Variants in CBL observed in about 807,000 individuals in gnomAD.
CBL encodes Cbl proto-oncogene.
In CBL, 45 loss-of-function variants were observed where a neutral mutation model predicts 96.9. The observed-to-expected ratio is 0.46, with a 90% CI of 0.37 to 0.60. The LOEUF is 0.60. Among genes scored for constraint, CBL ranks in the 20% least tolerant of loss-of-function variants. The pLI is 0.00. For missense variants in CBL, 1,024 were observed against 1,143.5 expected, an observed-to-expected ratio of 0.90 and a Z score of 1.51; for synonymous variants, 420 against 426.8, an observed-to-expected ratio of 0.98 and a Z score of 0.20.
At chr11:119,242,741 T>TAAAAAAAAAAAAAAAAAAAA (rs34339877) in intron 2 of CBL, among the ~76,000 whole-genome samples, 1 of 117,946 alleles carries the variant, frequency 8.5e-6, no homozygotes, top group Non-Finnish European at 1.8e-5. Flanking sequence ...CCTGACTCTT[T>TAAAAAAAAAAAAAAAAAAAA]AAAAAAAAAA....
At chr11:119,229,704 A>G (rs1165687066) in intron 1 of CBL, among the ~76,000 whole-genome samples, 4 of 151,816 alleles carry the variant, frequency 2.6e-5, no homozygotes, top group African/African-American at 4.8e-5. Flanking sequence ...TACAATTTTC[A>G]TATTATCATT....
In CBL at chr11:119,306,488, CA is replaced by C. The variant is rs1221973420; in HGVS notation, c.*6709del. 11 of 397,260 alleles carry C rather than the reference CA, an allele frequency of 2.8e-5. No homozygotes were observed. The highest frequency in any genetic ancestry group is 2.3e-4 in the African/African-American group (11 of 48,482). 24.6% of individuals were successfully genotyped at this position (397,260 alleles called of 1,614,324 possible). A position where few individuals can be genotyped will look rare whatever the true frequency, so the allele number is the denominator to read the frequency against. ...AGTATTGCTCAATGCGTGCTATGTG[CA>C]ACTCCTCAGGCCTTGTGCCACCTCC... On this transcript the variant is annotated 3_prime_UTR_variant, in exon 16 of 16. Coordinates refer to ENST00000264033, the MANE Select transcript of CBL (RefSeq NM_005188.4).
At chr11:119,253,027 T>C (rs543004231) in intron 2 of CBL, among the ~76,000 whole-genome samples, 34 of 152,308 alleles carry the variant, frequency 2.2e-4, no homozygotes, top group African/African-American at 7.2e-4. Flanking sequence ...CACTTACGTG[T>C]CAGTAGATAC....
At chr11:119,213,180 C>T (rs1343181919) in intron 1 of CBL, among the ~76,000 whole-genome samples, 3 of 152,052 alleles carry the variant, frequency 2.0e-5, no homozygotes, top group African/African-American at 7.2e-5. Flanking sequence ...CCCTATCCAC[C>T]TTGCCTTCCC....
At chr11:119,293,084 T>C (rs563948122) in intron 12 of CBL, among the ~76,000 whole-genome samples, 2 of 150,900 alleles carry the variant, frequency 1.3e-5, no homozygotes, top group Non-Finnish European at 3.0e-5. Context: ...ATGTGATTTT[T>C]AAAAATGTAT....
chr11:119,286,947 T>G (rs927035097), intron 11 of CBL, among the ~76,000 whole-genome samples: 1 of 152,142 alleles, frequency 6.6e-6, no homozygotes. Context: ...TAGAGAAAGC[T>G]GGCATAGGAG....
At chr11:119,265,084 T>C (rs1354507520) in intron 2 of CBL, among the ~76,000 whole-genome samples, 1 of 152,076 alleles carries the variant, frequency 6.6e-6, no homozygotes, top group Non-Finnish European at 1.5e-5. Flanking sequence ...TCTCACTATA[T>C]TGCCCAGGCT....
chr11:119,277,239 G>GCACACACACACACACA (rs112214824), intron 6 of CBL, among the ~76,000 whole-genome samples: 3,356 of 138,218 alleles, frequency 0.024, 71 homozygotes, highest in African/African-American at 0.04. Context: ...AGAATCTGTC[G>GCACACACACACACACA]CGCACACACA....
intron 2 of CBL, among the ~76,000 whole-genome samples, chr11:119,262,015 T>C (rs1949758501): frequency 6.6e-6 from 1 of 152,236 alleles, no homozygotes; most frequent in African/African-American, 2.4e-5. Context: ...GTAAATATTT[T>C]TCACTAATAG....
Position 119,301,739 on chromosome 11 carries a change from C to T in CBL, c.*1958C>T, listed in dbSNP as rs1565273634. The T allele has an allele frequency of 1.7e-5, 4 of 233,128 alleles. No individual in the cohort carries two copies. Among genetic ancestry groups the T allele is most frequent in the East Asian group, 6.0e-5 (1 of 16,604 alleles). The allele number at this position is 233,128 out of a possible 1,614,324, so 14.4% of individuals were successfully genotyped here. On this transcript the variant is annotated 3_prime_UTR_variant, in exon 16 of 16. Coordinates refer to ENST00000264033, the MANE Select transcript of CBL (RefSeq NM_005188.4). ...CGGCAAAGCCCACCATTAGGTGAGG[C>T]GGTCCCGAGTTGAGGTAGAGTGGGG...
chr11:119,215,684 G>A (rs1421900251), intron 1 of CBL, among the ~76,000 whole-genome samples: 1 of 151,590 alleles, frequency 6.6e-6, no homozygotes, highest in Non-Finnish European at 1.5e-5. Flanking sequence ...AAAAAAAGCC[G>A]AGGGTTGTGG....
chr11:119,260,868 G>T (rs1455123209), intron 2 of CBL, among the ~76,000 whole-genome samples: 1 of 147,704 alleles, frequency 6.8e-6, no homozygotes, highest in Non-Finnish European at 1.5e-5. Flanking sequence ...TCACTCCCCA[G>T]TCCCAGATCC....
At chr11:119,222,707 A>G (rs1183788775) in intron 1 of CBL, among the ~76,000 whole-genome samples, 1 of 150,766 alleles carries the variant, frequency 6.6e-6, no homozygotes, top group African/African-American at 2.5e-5. Flanking sequence ...AAGGTTAACT[A>G]TGACTGCCAG....
chr11:119,258,871 A>G (rs1268184449), intron 2 of CBL, among the ~76,000 whole-genome samples: 1 of 152,108 alleles, frequency 6.6e-6, no homozygotes, highest in Non-Finnish European at 1.5e-5. Flanking sequence ...TTTGGGCAGT[A>G]TGGTCATTTT....
Position 119,299,799 on chromosome 11 carries a change from G to T in CBL, c.*18G>T, listed in dbSNP as rs1388362601. The stretch of plus-strand genomic sequence containing the variant: ...CTACCTAGCACACCATCTCCCTGCT[G>T]CAGGTTTAGAGGACCAGTGAGTTGG... On this transcript the variant is annotated 3_prime_UTR_variant, in exon 16 of 16. Transcript: ENST00000264033. 3.1e-6 allele frequency: 5 copies of T among 1,613,002 alleles called. No homozygotes were observed. Among genetic ancestry groups the T allele is most frequent in the Non-Finnish European group, 4.2e-6 (5 of 1,179,672 alleles).
chr11:119,267,753 C>G lies in CBL; in HGVS notation c.444-3982C>G, dbSNP rs367947573. 1.2e-3 allele frequency among the ~76,000 whole-genome samples: 189 copies of G among 152,306 alleles called. 4 individuals carry two copies. In the South Asian group the frequency reaches 0.037, roughly 30 times the overall value. On this transcript the variant is annotated intron_variant, in intron 2 of 15. Transcript: ENST00000264033. ...CACATAGTAGGCACTCAAATGTTTT[C>G]TGAAGGTATATTGATCATTAGAAAT...
intron 5 of CBL, among the ~76,000 whole-genome samples, chr11:119,275,225 G>C (rs1047203372): frequency 4.0e-5 from 6 of 150,982 alleles, no homozygotes; most frequent in Non-Finnish European, 7.4e-5. Context: ...CAGATCACGA[G>C]GTCAGGAGTT....
chr11:119,222,850 T>C (rs958888814), intron 1 of CBL, among the ~76,000 whole-genome samples: 17 of 152,236 alleles, frequency 1.1e-4, no homozygotes, highest in African/African-American at 3.9e-4. Flanking sequence ...GGACTTTTTT[T>C]CCTTTCCAAA....
At chr11:119,273,721 T>TA (rs1388132393) in intron 3 of CBL, 147 bp from the exon 4 acceptor site, 8 of 753,944 alleles carry the variant, frequency 1.1e-5, no homozygotes, top group Non-Finnish European at 1.5e-5. Context: ...TTTCTTTTCT[T>TA]AAAGAAGTTG....
Sources: gnomAD v4.1 joint callset for allele counts (sites outside exome capture counted in the v4.1 genomes callset) on GRCh38, gnomAD v4.1.1 for gene constraint, MANE v1.5 for transcripts, NCBI Gene and HGNC (gene_info 2026-07-23, HGNC 2026-07-21) for gene names.